The following COBL variants were observed in gnomAD, a reference collection of about 807,000 sequenced individuals.
COBL encodes the protein cordon-bleu WH2 repeat protein.
In COBL, 51 loss-of-function variants were observed where a neutral mutation model predicts 98.8. The ratio of observed to expected loss-of-function variants is 0.52; its 90% CI spans 0.41 to 0.65. The LOEUF (loss-of-function observed/expected upper bound fraction) is 0.65. Among genes scored for constraint, COBL ranks in the 30% least tolerant of loss-of-function variants. COBL has a pLI of 0.00. For missense variants in COBL, 1,617 were observed against 1,617.5 expected (o/e 1.00, Z 0.01); for synonymous variants, 634 against 651.7 (o/e 0.97, Z 0.41).
intron 6 of COBL, among the ~76,000 whole-genome samples, chr7:51,131,656 C>T (rs574544309): frequency 1.2e-4 from 18 of 151,254 alleles, no homozygotes; most frequent in African/African-American, 3.9e-4. Context: ...TGCAGTGGCA[C>T]GATCTCGGCC....
intron 7 of COBL, among the ~76,000 whole-genome samples, chr7:51,059,929 G>A (rs938737946): frequency 6.6e-6 from 1 of 152,120 alleles, no homozygotes; most frequent in Non-Finnish European, 1.5e-5. Context: ...GGAGCATGTG[G>A]TCCTCCATGC....
chr7:51,208,710 T>C (rs948530491), intron 2 of COBL, among the ~76,000 whole-genome samples: 2 of 152,346 alleles, frequency 1.3e-5, no homozygotes, highest in East Asian at 3.9e-4. Flanking sequence ...CATTTTGTTC[T>C]GTACTAAGAA....
intron 1 of COBL, among the ~76,000 whole-genome samples, chr7:51,286,231 C>T (rs1469571773): frequency 6.9e-6 from 1 of 145,166 alleles, no homozygotes; most frequent in Non-Finnish European, 1.5e-5. Flanking sequence ...ATGTCTAGAG[C>T]ATAAAGTTTA....
In COBL at chr7:51,136,157, C is replaced by T. The variant is rs975798541; in HGVS notation, c.957+1G>A. On this transcript the variant is annotated splice_donor_variant, in intron 6 of 12. Transcript: ENST00000265136. LOFTEE classifies it high-confidence loss of function. Reference sequence around the variant, plus strand: ...GTTGTGAGAACAGCCCACTGCCCTACCTTTTCCGATGCCTTGTCTTGCACA... The same window carrying T: ...GTTGTGAGAACAGCCCACTGCCCTATCTTTTCCGATGCCTTGTCTTGCACA... 2 of 1,610,458 alleles carry T rather than the reference C, an allele frequency of 1.2e-6. No homozygotes were observed. The highest frequency in any genetic ancestry group is 1.7e-6 in the Non-Finnish European group (2 of 1,179,260).
In COBL at chr7:51,074,473, C is replaced by T. The variant is rs139652430; in HGVS notation, c.1096+10693G>A. On this transcript the variant is annotated intron_variant, in intron 7 of 12. Coordinates refer to ENST00000265136, the MANE Select transcript of COBL (RefSeq NM_015198.5). Reference sequence around the variant, plus strand: ...CCTCCCAAAGTGCTGGGATTACAGGCGTGAAGGTAATGATATTTAATAACA... The same window carrying T: ...CCTCCCAAAGTGCTGGGATTACAGGTGTGAAGGTAATGATATTTAATAACA... Among the ~76,000 whole-genome samples, 27 of 152,190 alleles carry T rather than the reference C, an allele frequency of 1.8e-4. No homozygotes were observed. In the East Asian group the frequency reaches 3.5e-3, roughly 20 times the overall value.
chr7:51,249,732 G>A (rs1796555960), intron 1 of COBL, among the ~76,000 whole-genome samples: 2 of 152,154 alleles, frequency 1.3e-5, no homozygotes, highest in African/African-American at 4.8e-5. Flanking sequence ...AATGCTGCCA[G>A]GAGCCACCAG....
At chr7:51,116,972 T>C (rs1797321239) in intron 6 of COBL, among the ~76,000 whole-genome samples, 1 of 152,118 alleles carries the variant, frequency 6.6e-6, no homozygotes, top group Admixed American at 6.5e-5. Context: ...CTAGGGTACA[T>C]GTGCACAACG....
chr7:51,146,887 T>C (rs1343446261), intron 5 of COBL, among the ~76,000 whole-genome samples: 1 of 152,082 alleles, frequency 6.6e-6, no homozygotes, highest in African/African-American at 2.4e-5. Flanking sequence ...CTGTGATCCA[T>C]TGGGAAGTTG....
intron 5 of COBL, among the ~76,000 whole-genome samples, chr7:51,165,813 A>G (rs1436433047): frequency 6.6e-6 from 1 of 152,028 alleles, no homozygotes; most frequent in East Asian, 1.9e-4. Flanking sequence ...AATAAGAGGA[A>G]TTTTGGAAAC....
chr7:51,131,264 A>G (rs949582351), intron 6 of COBL, among the ~76,000 whole-genome samples: 2 of 152,250 alleles, frequency 1.3e-5, no homozygotes, highest in South Asian at 4.1e-4. Flanking sequence ...ATTACTTGTC[A>G]ATTACAATAA....
chr7:51,169,452 AATTG>A (rs754361538), intron 5 of COBL, among the ~76,000 whole-genome samples: 1 of 152,172 alleles, frequency 6.6e-6, no homozygotes, highest in Non-Finnish European at 1.5e-5. Flanking sequence ...AAACTTTCTA[AATTG>A]ATTGAGACTT....
intron 1 of COBL, chr7:51,259,830 T>A: frequency 1.3e-6 from 1 of 754,266 alleles, no homozygotes; most frequent in South Asian, 1.3e-5. Context: ...CTAAAAATTT[T>A]CTTTAGGCGA....
chr7:51,065,079 T>C (rs1403378758), intron 7 of COBL: 4 of 654,990 alleles, frequency 6.1e-6, no homozygotes, highest in Non-Finnish European at 1.1e-5. Flanking sequence ...AGTCGGTCCA[T>C]AGAAAACACC....
chr7:51,183,050 C>G (rs569132598), intron 5 of COBL, among the ~76,000 whole-genome samples: 1 of 152,292 alleles, frequency 6.6e-6, no homozygotes, highest in East Asian at 1.9e-4. Flanking sequence ...AAGAAGGTTA[C>G]TTTATTTCTC....
intron 5 of COBL, among the ~76,000 whole-genome samples, chr7:51,174,857 ACT>A (rs1461090794): frequency 2.6e-5 from 4 of 151,800 alleles, no homozygotes; most frequent in Non-Finnish European, 5.9e-5. Context: ...TGCCCAACAA[ACT>A]CTCTACATTA....
At chr7:51,249,970 C>T (rs561580638) in intron 1 of COBL, among the ~76,000 whole-genome samples, 39 of 152,134 alleles carry the variant, frequency 2.6e-4, no homozygotes, top group Admixed American at 3.3e-4. Context: ...GGTGTGGTGG[C>T]GCTTGCTTGT....
chr7:51,250,117 A>AT (rs2129135823), intron 1 of COBL, among the ~76,000 whole-genome samples: 1 of 151,908 alleles, frequency 6.6e-6, no homozygotes, highest in East Asian at 1.9e-4. Context: ...AAAAAAGAAG[A>AT]AAGAAAATAC....
At chr7:51,145,950 G>A (rs1784992061) in intron 5 of COBL, among the ~76,000 whole-genome samples, 1 of 152,092 alleles carries the variant, frequency 6.6e-6, no homozygotes, top group Non-Finnish European at 1.5e-5. Flanking sequence ...GGAATCAAGA[G>A]TGGGCCCCAC....
chr7:51,271,088 T>G (rs1210925585), intron 1 of COBL, among the ~76,000 whole-genome samples: 1 of 152,216 alleles, frequency 6.6e-6, no homozygotes, highest in African/African-American at 2.4e-5. Flanking sequence ...CCGCCAGGCC[T>G]GGTGTATCTC....
Sources: allele counts gnomAD v4.1 joint callset (sites outside exome capture counted in the v4.1 genomes callset), GRCh38; gene constraint gnomAD v4.1.1; transcripts MANE v1.5; gene names NCBI Gene and HGNC (gene_info 2026-07-23, HGNC 2026-07-21).